Variants in SLC35H1 observed in about 807,000 individuals in gnomAD.
SLC35H1 encodes the protein ovarian cancer-overexpressed gene 1 protein.
the SLC35H1 span, chr20:46,357,911 C>A: frequency 1.1e-6 from 1 of 870,310 alleles, no homozygotes; most frequent in South Asian, 1.7e-5. Flanking sequence ...GTGTAGGGCC[C>A]TTAGTTACGG....
the SLC35H1 span, chr20:46,358,779 G>C: frequency 6.2e-6 from 9 of 1,442,660 alleles, no homozygotes; most frequent in Admixed American, 1.6e-4. Flanking sequence ...GGGGAAAAAG[G>C]GCCGCTCTGG....
chr20:46,358,842 C>T, the SLC35H1 span: 10 of 934,254 alleles, frequency 1.1e-5, no homozygotes, highest in East Asian at 2.6e-5. Context: ...CTGAAGGCTG[C>T]GTGACTCAGG....
chr20:46,355,619 C>T, the SLC35H1 span, among the ~76,000 whole-genome samples: 1 of 152,202 alleles, frequency 6.6e-6, no homozygotes, highest in African/African-American at 2.4e-5. This position sits in a 1 kb window ranked among gnomAD's most constrained non-coding sequence, Gnocchi z 4.8. Context: ...TACCCTGCCA[C>T]ACTGGTTTCT....
chr20:46,351,510 GAGA>G, the SLC35H1 span, among the ~76,000 whole-genome samples: 1 of 152,230 alleles, frequency 6.6e-6, no homozygotes, highest in Non-Finnish European at 1.5e-5. Flanking sequence ...GTGTGGGAGG[GAGA>G]AGGAGAAGTG....
the SLC35H1 span, chr20:46,358,254 C>A: frequency 5.8e-6 from 5 of 858,348 alleles, no homozygotes; most frequent in Non-Finnish European, 9.4e-6. Flanking sequence ...GGGCCCTGTT[C>A]CAGCCCAGCC....
At chr20:46,361,420 A>C in the SLC35H1 span, among the ~76,000 whole-genome samples, 1 of 152,172 alleles carries the variant, frequency 6.6e-6, no homozygotes, top group African/African-American at 2.4e-5. Context: ...TGACTGCAGG[A>C]GTCTCCTACA....
At chr20:46,350,969 A>C in the SLC35H1 span, 1 of 1,558,008 alleles carries the variant, frequency 6.4e-7, no homozygotes. Context: ...AGGTGGGGGC[A>C]CTAGGTACAC....
At chr20:46,361,121 C>T in the SLC35H1 span, among the ~76,000 whole-genome samples, 1 of 152,256 alleles carries the variant, frequency 6.6e-6, no homozygotes, top group East Asian at 1.9e-4. Context: ...CCTTAGATAT[C>T]TAATATCAGG....
the SLC35H1 span, chr20:46,349,314 G>A: frequency 6.6e-6 from 1 of 152,266 alleles, no homozygotes; most frequent in Non-Finnish European, 1.5e-5. Flanking sequence ...CCTCATTTGA[G>A]AGAGGCCTGC....
At chr20:46,355,065 G>A in the SLC35H1 span, 57 of 1,614,034 alleles carry the variant, frequency 3.5e-5, 1 homozygote, top group Admixed American at 6.8e-4. The surrounding 1 kb of genome is among the most constrained non-coding windows in gnomAD (Gnocchi z 4.8). Flanking sequence ...TGAGTGGCAC[G>A]TGCTCACCGA....
At chr20:46,355,254 G>T in the SLC35H1 span, 6 of 1,608,398 alleles carry the variant, frequency 3.7e-6, no homozygotes, top group Non-Finnish European at 5.1e-6. This position sits in a 1 kb window ranked among gnomAD's most constrained non-coding sequence, Gnocchi z 4.8. Context: ...GGTAGGATGG[G>T]GAGCAGTGGC....
the SLC35H1 span, among the ~76,000 whole-genome samples, chr20:46,354,479 G>A: frequency 3.0e-4 from 46 of 152,166 alleles, no homozygotes; most frequent in Non-Finnish European, 8.8e-5. Context: ...TTGGAGCCAG[G>A]CTGCTGGCTT....
chr20:46,350,350 C>T, the SLC35H1 span: 1 of 1,552,066 alleles, frequency 6.4e-7, no homozygotes, highest in Non-Finnish European at 8.7e-7. Flanking sequence ...GTGCTGGCAG[C>T]AGGCTGGGGA....
At chr20:46,352,062 C>T in the SLC35H1 span, 388 of 1,613,956 alleles carry the variant, frequency 2.4e-4, no homozygotes, top group Non-Finnish European at 3.1e-4. Flanking sequence ...TTAAAAATGC[C>T]GGCAATGGAG....
chr20:46,353,992 G>A, the SLC35H1 span, among the ~76,000 whole-genome samples: 8 of 152,238 alleles, frequency 5.3e-5, no homozygotes, highest in African/African-American at 1.9e-4. Context: ...TAATGACCCT[G>A]AGGGCATTAC....
At chr20:46,357,424 G>A in the SLC35H1 span, among the ~76,000 whole-genome samples, 1 of 152,254 alleles carries the variant, frequency 6.6e-6, no homozygotes, top group African/African-American at 2.4e-5. Flanking sequence ...TGGGTGTGTG[G>A]TGGGGCAGTG....
chr20:46,363,909 TCTTTA>T, the SLC35H1 span: 1 of 152,534 alleles, frequency 6.6e-6, no homozygotes, highest in Non-Finnish European at 1.5e-5. Context: ...CCTGTGTTTT[TCTTTA>T]CTTGCTGCTC....
At chr20:46,360,280 T>C in the SLC35H1 span, among the ~76,000 whole-genome samples, 2 of 152,122 alleles carry the variant, frequency 1.3e-5, no homozygotes, top group Non-Finnish European at 2.9e-5. Context: ...TGGTCAAAAT[T>C]GGTCTCAAAA....
the SLC35H1 span, chr20:46,358,987 G>A: frequency 3.2e-5 from 18 of 564,516 alleles, no homozygotes; most frequent in Non-Finnish European, 5.4e-5. Flanking sequence ...ATCATGTCAG[G>A]CCACTGCTTA....
Sources: gnomAD v4.1 joint callset for allele counts (sites outside exome capture counted in the v4.1 genomes callset) on GRCh38, gnomAD v4.1.1 for gene constraint, Gnocchi (gnomAD v3.1) non-coding constraint, MANE v1.5 for transcripts, NCBI Gene and HGNC (gene_info 2026-07-23, HGNC 2026-07-21) for gene names.